Variants in SARDH observed in about 807,000 individuals in gnomAD.
SARDH encodes the protein sarcosine dehydrogenase, mitochondrial.
SARDH carries 95 observed loss-of-function variants against 109.1 expected under a neutral mutation model. That is an observed-to-expected ratio of 0.87 (90% CI 0.74 to 1.03). The LOEUF is 1.03. SARDH is among the 50% of genes least tolerant of loss of function. The probability of loss-of-function intolerance (pLI) is 0.00; values close to 1 mark genes in which losing one functional copy is unlikely to be tolerated. For missense variants in SARDH, 1,267 were observed against 1,287.8 expected, an observed-to-expected ratio of 0.98 and a Z score of 0.25; for synonymous variants, 572 against 534.8, an observed-to-expected ratio of 1.07 and a Z score of -0.96.
intron 6 of SARDH, chr9:133,725,675 C>A: frequency 1.3e-5 from 3 of 225,338 alleles, no homozygotes; most frequent in African/African-American, 2.3e-5. Flanking sequence ...AACTCTGTCT[C>A]AAAAAAAACA....
rs1316288507 is a variant in SARDH, at chr9:133,731,422, G to C, written c.573C>G (p.Tyr191Ter). ...AGAGGTCGTCCACATTCATCAGCGG[G>C]TACAGAGTCTTGGTCTCTGCCGGGC... ...VLSPAETKTL[Y>*]PLMNVDDLYG... is the part of the protein sequence containing the mutation. The change falls in exon 4 of 21, where the codon TAC becomes TAG. Residue 191 changes from tyrosine (Y) to a stop codon, truncating the protein, a stop_gained. Transcript: ENST00000439388. LOFTEE classifies it high-confidence loss of function. 6.2e-7 allele frequency: 1 copy of C among 1,614,172 alleles called. No homozygotes were observed. The highest frequency in any genetic ancestry group is 8.5e-7 in the Non-Finnish European group (1 of 1,180,030).
chr9:133,717,259 C>T, intron 8 of SARDH, 67 bp downstream of exon 8: 1 of 1,581,228 alleles, frequency 6.3e-7, no homozygotes, highest in Non-Finnish European at 8.6e-7. Flanking sequence ...CACGGGGCAT[C>T]ACTACTAACA....
At chr9:133,694,427 T>A in intron 14 of SARDH, 56 bp from the exon 15 acceptor site, 1 of 1,414,984 alleles carries the variant, frequency 7.1e-7, no homozygotes, top group Non-Finnish European at 9.8e-7. Context: ...GGGTCTGTGC[T>A]GCCTCAGTTT....
intron 6 of SARDH, among the ~76,000 whole-genome samples, chr9:133,721,569 G>T (rs1421769335): frequency 6.6e-6 from 1 of 152,350 alleles, no homozygotes; most frequent in South Asian, 2.1e-4. Context: ...AGACCATGCA[G>T]CGGTCAGTCC....
intron 6 of SARDH, among the ~76,000 whole-genome samples, chr9:133,721,442 C>G (rs1832322399): frequency 6.6e-6 from 1 of 152,350 alleles, no homozygotes; most frequent in African/African-American, 2.4e-5. Context: ...CTCTCGTACT[C>G]CTTTGCAGTA....
chr9:133,739,039 G>A (rs928849084), upstream of SARDH, among the ~76,000 whole-genome samples: 4 of 152,182 alleles, frequency 2.6e-5, no homozygotes, highest in African/African-American at 9.6e-5. Flanking sequence ...CAAGCTGGTG[G>A]AGGAGGCAGA....
chr9:133,696,679 T>C (rs1394087462), intron 13 of SARDH, among the ~76,000 whole-genome samples: 3 of 152,046 alleles, frequency 2.0e-5, no homozygotes, highest in South Asian at 4.2e-4. Context: ...AGAAGAACAA[T>C]TGGAAAATTC....
chr9:133,664,069 C>T (rs561979583), intron 20 of SARDH, 55 bp from the exon 21 acceptor site: 44 of 1,583,854 alleles, frequency 2.8e-5, no homozygotes, highest in Middle Eastern at 3.4e-4. Context: ...ACAGGGCTCA[C>T]GTCTGCCTGC....
intron 13 of SARDH, among the ~76,000 whole-genome samples, chr9:133,700,601 A>G (rs1472523250): frequency 6.6e-6 from 1 of 152,156 alleles, no homozygotes; most frequent in Non-Finnish European, 1.5e-5. Context: ...CTAAAACTAG[A>G]TCATGGTGAT....
intron 19 of SARDH, chr9:133,667,132 C>T (rs189192699): frequency 2.8e-5 from 16 of 575,626 alleles, no homozygotes; most frequent in Admixed American, 9.4e-5. Flanking sequence ...TTTCCAGAAG[C>T]GAGCCCCGTA....
At position 133,734,649 on chromosome 9, in the gene SARDH, G is replaced by A. The variant is rs185858995; in HGVS notation, c.-30-446C>T. 2.4e-3 allele frequency among the ~76,000 whole-genome samples: 359 copies of A among 152,294 alleles called. 2 individuals carry two copies. The highest frequency in any genetic ancestry group is 7.2e-3 in the African/African-American group (298 of 41,578). On this transcript the variant is annotated intron_variant, in intron 1 of 20. Coordinates refer to ENST00000439388, the MANE Select transcript of SARDH (RefSeq NM_001134707.2). ...GGGGAGGTAGAGAAGAGTGGGTGGC[G>A]TGGCTGGCAGAGATCCAAAGTGAGA...
Position 133,666,976 on chromosome 9 carries a change from G to T in SARDH, c.2496-106C>A. On this transcript the variant is annotated intron_variant, in intron 19 of 20. Transcript: ENST00000439388. This position sits in a 1 kb window ranked among gnomAD's most constrained non-coding sequence, Gnocchi z 5.2. ...GGGGCTGCATGATGCACACCCAACC[G>T]TGGCTCCAGGCAGATAGGGCTGGCC... 6.8e-7 allele frequency: 1 copy of T among 1,475,778 alleles called. No homozygotes were observed. The highest frequency in any genetic ancestry group is 9.2e-7 in the Non-Finnish European group (1 of 1,081,210). The allele number at this position is 1,475,778 out of a possible 1,614,324, so 91.4% of individuals were successfully genotyped here.
intron 1 of SARDH, among the ~76,000 whole-genome samples, chr9:133,735,194 T>C (rs1832841882): frequency 6.6e-6 from 1 of 151,884 alleles, no homozygotes; most frequent in South Asian, 2.1e-4. Context: ...ACAAGAGGGG[T>C]TGCCCCCTCA....
chr9:133,663,203 G>A (rs1829941724), downstream of SARDH, among the ~76,000 whole-genome samples: 1 of 152,246 alleles, frequency 6.6e-6, no homozygotes, highest in Non-Finnish European at 1.5e-5. Flanking sequence ...GCAGGAGCTG[G>A]CACTTCTGTG....
rs779654915 is a variant in SARDH, at chr9:133,670,611, C to A, written c.2468G>T (p.Arg823Leu). The change falls in exon 19 of 21, where the codon CGG (arginine) becomes CTG (leucine). Residue 823 changes from arginine (R) to leucine (L), a missense_variant. By Grantham distance (102) the Arg-to-Leu change is moderately radical. Coordinates refer to ENST00000439388, the MANE Select transcript of SARDH (RefSeq NM_001134707.2). The stretch of plus-strand genomic sequence containing the variant: ...CTCCATGGTGAAGCACACCAGGCGC[C>A]GGCGGAGGCCTGCGGCCCGCTGCTG... ...LEQQRAAGLR[R>L]RLVCFTMEDK... 6 of 1,577,408 alleles carry A rather than the reference C, an allele frequency of 3.8e-6. No homozygotes were observed. The South Asian group carries it at 4.6e-5, about 12-fold the overall frequency.
At chr9:133,694,598 C>T (rs1255263881) in intron 14 of SARDH, among the ~76,000 whole-genome samples, 1 of 152,236 alleles carries the variant, frequency 6.6e-6, no homozygotes, top group Non-Finnish European at 1.5e-5. Context: ...CATCCCATCA[C>T]CGTCACCCTT....
rs1416301776 is a variant in SARDH at position 133,712,336 on chromosome 9, TG to T, written c.1328+282del. Reference sequence around the variant, plus strand: ...GGCCTCAGTCTCCCCATCTGTGAGGTGGGGTGATGCCATCCCACTGATGACT... The same window carrying T: ...GGCCTCAGTCTCCCCATCTGTGAGGTGGGTGATGCCATCCCACTGATGACT... On this transcript the variant is annotated intron_variant, in intron 10 of 20. Transcript: ENST00000439388. The surrounding 1 kb of genome is among the most constrained non-coding windows in gnomAD (Gnocchi z 4.1). 1.3e-5 allele frequency among the ~76,000 whole-genome samples: 2 copies of T among 151,952 alleles called. No homozygotes were observed. The highest frequency in any genetic ancestry group is 4.8e-5 in the African/African-American group (2 of 41,364).
chr9:133,699,117 C>T (rs545239106), intron 13 of SARDH, among the ~76,000 whole-genome samples: 156 of 152,246 alleles, frequency 1.0e-3, no homozygotes, highest in Non-Finnish European at 1.7e-3. Flanking sequence ...GAGGCTGAGG[C>T]GGGTGGATCA....
chr9:133,685,106 A>C (rs1830836877), intron 17 of SARDH, 87 bp downstream of exon 17: 1 of 1,167,904 alleles, frequency 8.6e-7, no homozygotes, highest in East Asian at 2.5e-5. Context: ...AACCTGCCCG[A>C]GAGCCCCCAG....
Sources: gnomAD v4.1 joint callset for allele counts (sites outside exome capture counted in the v4.1 genomes callset) on GRCh38, gnomAD v4.1.1 for gene constraint, Gnocchi (gnomAD v3.1) non-coding constraint, MANE v1.5 for transcripts, NCBI Gene and HGNC (gene_info 2026-07-23, HGNC 2026-07-21) for gene names.